The following APBA1 variants were observed in gnomAD, a reference collection of about 807,000 sequenced individuals.
APBA1 encodes amyloid beta precursor protein binding family A member 1.
In APBA1, 55 loss-of-function variants were observed where a neutral mutation model predicts 86.6. That is an observed-to-expected ratio of 0.64 (90% CI 0.51 to 0.80). The LOEUF (loss-of-function observed/expected upper bound fraction) is 0.80. APBA1 is among the 30% of genes least tolerant of loss of function. The pLI is 0.00. For missense variants in APBA1, 1,090 were observed against 1,183.0 expected (o/e 0.92, Z 1.15); for synonymous variants, 511 against 493.9 (o/e 1.03, Z -0.46).
In APBA1 at chr9:69,428,376, G is replaced by A. The variant is rs1282034664; in HGVS notation, c.*2951C>T. 1 of 152,350 alleles carries A rather than the reference G, an allele frequency of 6.6e-6. No homozygotes were observed. Among genetic ancestry groups the A allele is most frequent in the Non-Finnish European group, 1.5e-5 (1 of 68,138 alleles). 9.4% of individuals were successfully genotyped at this position (152,350 alleles called of 1,614,324 possible). ...CGAGGGAAGGTGTCGCTGGAGAAGTGGGCTCCAGGCATTGGTCTTTGGGGG... is the reference window on the plus strand; with the variant it reads ...CGAGGGAAGGTGTCGCTGGAGAAGTAGGCTCCAGGCATTGGTCTTTGGGGG... On this transcript the variant is annotated 3_prime_UTR_variant, in exon 13 of 13. Coordinates refer to ENST00000265381, the MANE Select transcript of APBA1 (RefSeq NM_001163.4).
At chr9:69,528,771 C>T (rs1836381250) in intron 1 of APBA1, among the ~76,000 whole-genome samples, 2 of 151,944 alleles carry the variant, frequency 1.3e-5, no homozygotes, top group African/African-American at 4.8e-5. Context: ...CGTACACACA[C>T]ACACAACACT....
intron 8 of APBA1, among the ~76,000 whole-genome samples, chr9:69,452,962 A>T (rs1434271164): frequency 6.6e-6 from 1 of 152,154 alleles, no homozygotes; most frequent in African/African-American, 2.4e-5. Flanking sequence ...TTTGGCCCTC[A>T]ATTTGAAATG....
At chr9:69,572,118 T>C (rs554152127) in intron 1 of APBA1, among the ~76,000 whole-genome samples, 1 of 152,332 alleles carries the variant, frequency 6.6e-6, no homozygotes, top group African/African-American at 2.4e-5. Flanking sequence ...GGTACATGTA[T>C]AGGATGTGCA....
chr9:69,605,134 T>C (rs934463729), intron 1 of APBA1, among the ~76,000 whole-genome samples: 11 of 152,170 alleles, frequency 7.2e-5, no homozygotes, highest in African/African-American at 2.4e-4. Flanking sequence ...CCTTTAAAAA[T>C]ATTTTCAATA....
intron 1 of APBA1, among the ~76,000 whole-genome samples, chr9:69,540,854 C>G (rs1039411226): frequency 6.6e-6 from 1 of 152,222 alleles, no homozygotes; most frequent in Non-Finnish European, 1.5e-5. Context: ...ATCCTCCCAA[C>G]TTGGCTTCCC....
chr9:69,634,409 C>T (rs1049700961), intron 1 of APBA1, among the ~76,000 whole-genome samples: 1 of 152,158 alleles, frequency 6.6e-6, no homozygotes, highest in Non-Finnish European at 1.5e-5. Flanking sequence ...AGTCTTGCCA[C>T]TGCGGATTAA....
chr9:69,609,117 G>A (rs1186120838), intron 1 of APBA1, among the ~76,000 whole-genome samples: 2 of 152,128 alleles, frequency 1.3e-5, no homozygotes, highest in Non-Finnish European at 2.9e-5. Context: ...ATTTTTAAAT[G>A]CTCACACTGA....
chr9:69,500,823 G>A (rs892993834), intron 2 of APBA1, among the ~76,000 whole-genome samples: 1 of 152,076 alleles, frequency 6.6e-6, no homozygotes, highest in Non-Finnish European at 1.5e-5. Flanking sequence ...ATGTGACCTG[G>A]ATAGAGGCGA....
chr9:69,514,961 T>C (rs1198080341), intron 2 of APBA1, among the ~76,000 whole-genome samples: 1 of 152,140 alleles, frequency 6.6e-6, no homozygotes. Flanking sequence ...GGAAAAAGGC[T>C]TGGAAGGCTA....
rs543152390 is a variant in APBA1, at chr9:69,663,814, T to C, written c.-70+8339A>G. 2.6e-5 allele frequency among the ~76,000 whole-genome samples: 4 copies of C among 152,276 alleles called. No individual in the cohort carries two copies. In the South Asian group the frequency reaches 8.3e-4, roughly 32 times the overall value. ...CCTTGACAACCTCCTGTGATCACTTTACATATACAAAAAGATGAGATTCTG... is the reference window on the plus strand; with the variant it reads ...CCTTGACAACCTCCTGTGATCACTTCACATATACAAAAAGATGAGATTCTG... On this transcript the variant is annotated intron_variant, in intron 1 of 12. Transcript: ENST00000265381.
chr9:69,546,167 G>A (rs1235900876), intron 1 of APBA1, among the ~76,000 whole-genome samples: 1 of 152,092 alleles, frequency 6.6e-6, no homozygotes, highest in Non-Finnish European at 1.5e-5. Flanking sequence ...GTATTTTTTG[G>A]CCTACATTTT....
chr9:69,567,689 G>T (rs1837050140), intron 1 of APBA1, among the ~76,000 whole-genome samples: 1 of 151,902 alleles, frequency 6.6e-6, no homozygotes, highest in Non-Finnish European at 1.5e-5. Flanking sequence ...CCCAGGTCTG[G>T]GCCTCACGCT....
At chr9:69,579,330 T>A (rs1203275624) in intron 1 of APBA1, among the ~76,000 whole-genome samples, 1 of 152,086 alleles carries the variant, frequency 6.6e-6, no homozygotes, top group Non-Finnish European at 1.5e-5. Flanking sequence ...CAAGATGGGG[T>A]CATTGTCAAC....
chr9:69,491,255 C>T (rs1835705158), intron 2 of APBA1, among the ~76,000 whole-genome samples: 1 of 152,074 alleles, frequency 6.6e-6, no homozygotes, highest in Admixed American at 6.5e-5. Flanking sequence ...CACATACACA[C>T]CATGGAATAC....
At chr9:69,644,385 T>C (rs918822657) in intron 1 of APBA1, among the ~76,000 whole-genome samples, 2 of 152,224 alleles carry the variant, frequency 1.3e-5, no homozygotes, top group Non-Finnish European at 2.9e-5. Flanking sequence ...TTTCCTACCA[T>C]GTTCATGCCA....
intron 1 of APBA1, among the ~76,000 whole-genome samples, chr9:69,664,811 A>G (rs1270183760): frequency 6.6e-6 from 1 of 152,220 alleles, no homozygotes; most frequent in African/African-American, 2.4e-5. Context: ...TGCACCTCAG[A>G]TAACTGAGGG....
At chr9:69,473,390 C>A (rs954272883) in intron 3 of APBA1, among the ~76,000 whole-genome samples, 1 of 152,196 alleles carries the variant, frequency 6.6e-6, no homozygotes, top group African/African-American at 2.4e-5. Flanking sequence ...TATTTCCCAA[C>A]CATTTCCCTA....
chr9:69,528,561 C>A (rs1352953195), intron 1 of APBA1, among the ~76,000 whole-genome samples: 3 of 152,102 alleles, frequency 2.0e-5, no homozygotes, highest in East Asian at 1.9e-4. Flanking sequence ...GGTATAAAAT[C>A]AAAAATACCT....
intron 5 of APBA1, 86 bp from the exon 6 acceptor site, chr9:69,458,274 A>G (rs1375652556): frequency 2.4e-5 from 30 of 1,253,152 alleles, no homozygotes; most frequent in Non-Finnish European, 3.0e-5. Flanking sequence ...TTGACAAACT[A>G]ATACTGAATA....
Sources: gnomAD v4.1 joint callset for allele counts (sites outside exome capture counted in the v4.1 genomes callset) on GRCh38, gnomAD v4.1.1 for gene constraint, MANE v1.5 for transcripts, NCBI Gene and HGNC (gene_info 2026-07-23, HGNC 2026-07-21) for gene names.